NKAIN3: variants seen among roughly 807,000 people sequenced by gnomAD.
NKAIN3 encodes sodium/potassium transporting ATPase interacting 3, also known as sodium/potassium-transporting ATPase subunit beta-1-interacting protein 3.
NKAIN3 carries 25 observed loss-of-function variants against 30.2 expected under a neutral mutation model. The observed-to-expected ratio is 0.83, with a 90% confidence interval of 0.60 to 1.16. The LOEUF (loss-of-function observed/expected upper bound fraction) is 1.16. NKAIN3 is among the 50% of genes most tolerant of loss of function. The pLI is 0.00. For synonymous variants in NKAIN3, 91 were observed against 89.6 expected (o/e 1.02, Z -0.09); for missense variants, 225 against 254.1 (o/e 0.89, Z 0.78).
At chr8:62,812,709 C>T (rs1453107378) in intron 4 of NKAIN3, among the ~76,000 whole-genome samples, 2 of 151,686 alleles carry the variant, frequency 1.3e-5, no homozygotes, top group Non-Finnish European at 3.0e-5. Flanking sequence ...TTTTACTACA[C>T]TCAATTTTTA....
intron 1 of NKAIN3, among the ~76,000 whole-genome samples, chr8:62,544,810 A>G (rs1469714793): frequency 6.6e-6 from 1 of 152,200 alleles, no homozygotes; most frequent in Non-Finnish European, 1.5e-5. Context: ...CATATTAAGT[A>G]ATTACTAATA....
chr8:62,479,000 G>A (rs550940346), intron 1 of NKAIN3, among the ~76,000 whole-genome samples: 3 of 152,268 alleles, frequency 2.0e-5, no homozygotes, highest in East Asian at 3.9e-4. Flanking sequence ...CACCTGGGGA[G>A]TAGGCAGGGC....
At chr8:62,256,879 A>G (rs1322319939) in intron 1 of NKAIN3, among the ~76,000 whole-genome samples, 1 of 152,216 alleles carries the variant, frequency 6.6e-6, no homozygotes. Context: ...TTCCTTCTAG[A>G]GGACACACTA....
chr8:62,289,522 T>G (rs1813509997), intron 1 of NKAIN3, among the ~76,000 whole-genome samples: 1 of 152,240 alleles, frequency 6.6e-6, no homozygotes, highest in Non-Finnish European at 1.5e-5. Context: ...TTTCTTGTTT[T>G]TGTCAGGTTT....
At chr8:62,893,639 C>T (rs1040074101) in intron 4 of NKAIN3, among the ~76,000 whole-genome samples, 4 of 108,302 alleles carry the variant, frequency 3.7e-5, no homozygotes, top group African/African-American at 1.7e-4. Flanking sequence ...TGAGCTACTC[C>T]TTGAATGTGT....
At chr8:62,588,720 T>C (rs1810558226) in intron 2 of NKAIN3, among the ~76,000 whole-genome samples, 2 of 151,904 alleles carry the variant, frequency 1.3e-5, no homozygotes, top group Admixed American at 1.3e-4. Context: ...TTGTAATCAC[T>C]GATAGAAAAC....
intron 6 of NKAIN3, among the ~76,000 whole-genome samples, chr8:62,960,094 AG>A (rs1182659575): frequency 6.6e-6 from 1 of 152,256 alleles, no homozygotes; most frequent in Non-Finnish European, 1.5e-5. Flanking sequence ...TTGACTATGT[AG>A]CAGTGAAATG....
At chr8:62,435,410 G>T (rs1805137521) in intron 1 of NKAIN3, among the ~76,000 whole-genome samples, 3 of 152,016 alleles carry the variant, frequency 2.0e-5, no homozygotes, top group Admixed American at 2.0e-4. Context: ...AGTATGTGGA[G>T]CCAGGGGGAC....
Position 62,413,837 on chromosome 8 carries a change from T to C in NKAIN3, c.54+164710T>C, listed in dbSNP as rs189902143. Among the ~76,000 whole-genome samples the C allele has an allele frequency of 2.6e-3, 389 of 152,306 alleles. 2 individuals carry two copies. The highest frequency in any genetic ancestry group is 8.5e-3 in the African/African-American group (353 of 41,582). On this transcript the variant is annotated intron_variant, in intron 1 of 6. Transcript: ENST00000623646. ...ATATAACTTATGATTTATTGAGTTA[T>C]AACTTCTTATTCTAATTCCAAAATA...
At chr8:62,962,956 A>T (rs1823611880) in intron 6 of NKAIN3, among the ~76,000 whole-genome samples, 1 of 151,834 alleles carries the variant, frequency 6.6e-6, no homozygotes, top group Non-Finnish European at 1.5e-5. Context: ...CAATGGCATG[A>T]CCTCAGCTCA....
chr8:62,817,546 C>T lies in NKAIN3; in HGVS notation c.471+70417C>T, dbSNP rs141104080. On this transcript the variant is annotated intron_variant, in intron 4 of 6. Coordinates refer to ENST00000623646, the MANE Select transcript of NKAIN3 (RefSeq NM_001304533.3). ...CAGGTCTTACAGTGATTTTTCAGAG[C>T]TCTCTGCCTCTGATATTGTGGCTAT... is the stretch of plus-strand genomic sequence containing the variant. Among the ~76,000 whole-genome samples the T allele has an allele frequency of 4.2e-3, 644 of 152,214 alleles. 1 individual carries two copies. Among genetic ancestry groups the T allele is most frequent in the African/African-American group, 0.015 (603 of 41,542 alleles).
intron 3 of NKAIN3, among the ~76,000 whole-genome samples, chr8:62,629,742 G>A (rs546352012): frequency 1.3e-5 from 2 of 152,184 alleles, no homozygotes; most frequent in South Asian, 4.1e-4. Context: ...ATGAACCCAG[G>A]AATTTTGGGG....
chr8:62,429,304 G>T (rs1479169912), intron 1 of NKAIN3, among the ~76,000 whole-genome samples: 1 of 151,806 alleles, frequency 6.6e-6, no homozygotes, highest in Non-Finnish European at 1.5e-5. Flanking sequence ...TTTGTTGAGA[G>T]TTTTTATCAT....
At chr8:62,828,239 C>A (rs552357161) in intron 4 of NKAIN3, among the ~76,000 whole-genome samples, 7 of 151,976 alleles carry the variant, frequency 4.6e-5, no homozygotes, top group Middle Eastern at 3.4e-3. Context: ...CAGTGTTTGC[C>A]AGAGGTTATA....
chr8:62,801,509 G>C (rs190163156), intron 4 of NKAIN3, among the ~76,000 whole-genome samples: 1,615 of 152,278 alleles, frequency 0.011, 22 homozygotes, highest in South Asian at 0.031. Flanking sequence ...AGGCAAACAG[G>C]GTCTGGAGTG....
intron 1 of NKAIN3, among the ~76,000 whole-genome samples, chr8:62,560,960 CTTTTTA>C (rs1378242867): frequency 6.6e-6 from 1 of 151,980 alleles, no homozygotes; most frequent in Non-Finnish European, 1.5e-5. Flanking sequence ...TTAGCTGAGA[CTTTTTA>C]TTTTTTGTTG....
At chr8:62,727,738 G>A (rs1563534015) in intron 3 of NKAIN3, among the ~76,000 whole-genome samples, 1 of 152,050 alleles carries the variant, frequency 6.6e-6, no homozygotes, top group Non-Finnish European at 1.5e-5. Context: ...GGGTAAGAAG[G>A]CTCAATATTG....
intron 3 of NKAIN3, among the ~76,000 whole-genome samples, chr8:62,630,050 G>C (rs1811907212): frequency 6.6e-6 from 1 of 151,900 alleles, no homozygotes; most frequent in Non-Finnish European, 1.5e-5. Flanking sequence ...ACATTCACAT[G>C]ACTTTTATTA....
intron 3 of NKAIN3, among the ~76,000 whole-genome samples, chr8:62,658,340 G>T (rs117831069): frequency 2.0e-5 from 3 of 152,068 alleles, no homozygotes; most frequent in Non-Finnish European, 4.4e-5. Flanking sequence ...TTAATTTCGC[G>T]GTGAGGATTC....
Sources: allele counts gnomAD v4.1 joint callset (sites outside exome capture counted in the v4.1 genomes callset), GRCh38; gene constraint gnomAD v4.1.1; transcripts MANE v1.5; gene names NCBI Gene and HGNC (gene_info 2026-07-23, HGNC 2026-07-21).